Variants in RAP1GAP2 observed in about 807,000 individuals in gnomAD.
RAP1GAP2 encodes RAP1 GTPase activating protein 2, also known as rap1 GTPase-activating protein 2.
In RAP1GAP2, 27 loss-of-function variants were observed where a neutral mutation model predicts 95.0. The observed-to-expected ratio is 0.28, with a 90% CI of 0.21 to 0.39. The LOEUF (loss-of-function observed/expected upper bound fraction) is 0.39. Among genes scored for constraint, RAP1GAP2 ranks in the 10% least tolerant of loss-of-function variants. The probability of loss-of-function intolerance (pLI) is 1.00; values close to 1 mark genes in which losing one functional copy is unlikely to be tolerated. For missense variants in RAP1GAP2, 771 were observed against 970.0 expected (o/e 0.79, Z 2.72); for synonymous variants, 373 against 380.9 (o/e 0.98, Z 0.24).
At chr17:2,806,935 C>T (rs113153342) in intron 2 of RAP1GAP2, among the ~76,000 whole-genome samples, 4,626 of 152,232 alleles carry the variant, frequency 0.03, 247 homozygotes, top group African/African-American at 0.1. Flanking sequence ...CCACCTGCCT[C>T]GGCCTCCCGA....
chr17:2,766,928 C>T (rs943021121), intron 1 of RAP1GAP2, among the ~76,000 whole-genome samples: 1 of 152,058 alleles, frequency 6.6e-6, no homozygotes, highest in African/African-American at 2.4e-5. Flanking sequence ...TGGGAAGTCC[C>T]CTCCCCCAGC....
chr17:3,028,861 C>T (rs928043888), intron 22 of RAP1GAP2, among the ~76,000 whole-genome samples: 10 of 152,120 alleles, frequency 6.6e-5, no homozygotes, highest in Admixed American at 1.3e-4. Flanking sequence ...AGTGCAATGG[C>T]GCAATCTCGG....
At chr17:2,886,054 C>T (rs552730930) in intron 2 of RAP1GAP2, among the ~76,000 whole-genome samples, 99 of 152,028 alleles carry the variant, frequency 6.5e-4, no homozygotes, top group African/African-American at 2.2e-3. Context: ...AAGGCAGATG[C>T]GGCAGGGCCT....
At chr17:2,850,033 C>T (rs555940903) in intron 2 of RAP1GAP2, among the ~76,000 whole-genome samples, 2 of 142,428 alleles carry the variant, frequency 1.4e-5, no homozygotes, top group Admixed American at 7.3e-5. Context: ...TGGAGTCTCG[C>T]TCTGTTGCCC....
At chr17:2,952,040 A>G (rs1455931316) in intron 3 of RAP1GAP2, among the ~76,000 whole-genome samples, 2 of 151,824 alleles carry the variant, frequency 1.3e-5, no homozygotes, top group African/African-American at 4.8e-5. Flanking sequence ...TCTCAGAAAA[A>G]ATAAAATAAA....
intron 3 of RAP1GAP2, among the ~76,000 whole-genome samples, chr17:2,917,949 C>G (rs1419879072): frequency 6.6e-6 from 1 of 152,106 alleles, no homozygotes; most frequent in Non-Finnish European, 1.5e-5. Context: ...CTCCTGACCT[C>G]AGGTGATCCA....
At chr17:2,757,293 AT>A (rs1174388656) in intron 1 of RAP1GAP2, among the ~76,000 whole-genome samples, 1 of 151,586 alleles carries the variant, frequency 6.6e-6, no homozygotes, top group South Asian at 2.1e-4. Context: ...TAATTTTTGT[AT>A]TTTTTTTGTA....
chr17:2,844,156 G>A (rs1380179902), intron 2 of RAP1GAP2, among the ~76,000 whole-genome samples: 1 of 152,018 alleles, frequency 6.6e-6, no homozygotes, highest in Non-Finnish European at 1.5e-5. Flanking sequence ...GAGTAGCTGG[G>A]ACTACAGGCG....
intron 2 of RAP1GAP2, among the ~76,000 whole-genome samples, chr17:2,898,851 C>A (rs2041928431): frequency 6.8e-6 from 1 of 146,018 alleles, no homozygotes; most frequent in African/African-American, 2.6e-5. Context: ...AGTAGTCACA[C>A]CGTTTTACAG....
intron 11 of RAP1GAP2, among the ~76,000 whole-genome samples, chr17:2,988,358 A>G (rs1272690607): frequency 6.6e-6 from 1 of 152,208 alleles, no homozygotes; most frequent in Admixed American, 6.5e-5. Flanking sequence ...CAATACCACA[A>G]CCAGGATGTG....
chr17:2,957,896 CG>C, intron 4 of RAP1GAP2, 102 bp downstream of exon 4: 1 of 1,248,282 alleles, frequency 8.0e-7, no homozygotes. Context: ...GTGCCCTGGA[CG>C]GGGGTGCAGA....
At chr17:2,978,631 C>A (rs2045225335) in intron 8 of RAP1GAP2, among the ~76,000 whole-genome samples, 1 of 152,008 alleles carries the variant, frequency 6.6e-6, no homozygotes, top group Non-Finnish European at 1.5e-5. Flanking sequence ...AGGGGGACTG[C>A]TGTATTAATA....
chr17:2,994,398 A>G (rs772387055), intron 12 of RAP1GAP2, among the ~76,000 whole-genome samples: 1 of 152,324 alleles, frequency 6.6e-6, no homozygotes, highest in Admixed American at 6.5e-5. Context: ...GGCAGAAGGG[A>G]CAACTCCTGG....
rs1333015563 is a variant in RAP1GAP2, at chr17:2,978,023, C to T, written c.597-2264C>T. Among the ~76,000 whole-genome samples, 3 of 152,162 alleles carry T rather than the reference C, an allele frequency of 2.0e-5. No homozygotes were observed. The East Asian group carries it at 5.8e-4, about 29-fold the overall frequency. On this transcript the variant is annotated intron_variant, in intron 8 of 24. Coordinates refer to ENST00000254695, the MANE Select transcript of RAP1GAP2 (RefSeq NM_015085.5). Reference sequence around the variant, plus strand: ...TGGAAACACATCTGTTTATATCTTTCACCCACACATGTCATCCTCTTTTCA... The same window carrying T: ...TGGAAACACATCTGTTTATATCTTTTACCCACACATGTCATCCTCTTTTCA...
Position 2,891,814 on chromosome 17 carries a change from C to CTTTTTTTTTT in RAP1GAP2, c.81-13453_81-13444dup, listed in dbSNP as rs917540694. The stretch of plus-strand genomic sequence containing the variant: ...TGATATGCAGATTCATATTTCTTTT[C>CTTTTTTTTTT]TTTTTTTTTTTTTTTTTTTTTTTTT... On this transcript the variant is annotated intron_variant, in intron 2 of 24. Coordinates refer to ENST00000254695, the MANE Select transcript of RAP1GAP2 (RefSeq NM_015085.5). Among the ~76,000 whole-genome samples the CTTTTTTTTTT allele has an allele frequency of 2.3e-3, 124 of 54,286 alleles. 18 individuals are homozygous for CTTTTTTTTTT. Among genetic ancestry groups the CTTTTTTTTTT allele is most frequent in the African/African-American group, 6.4e-3 (92 of 14,272 alleles). 35.6% of individuals were successfully genotyped at this position (54,286 alleles called of 152,430 possible). A position where few individuals can be genotyped will look rare whatever the true frequency, so the allele number is the denominator to read the frequency against.
Position 3,005,300 on chromosome 17 carries a change from GCGTGGCTCC to G in RAP1GAP2, c.1201-65_1201-57del. ...GAGAAGGTGAGTAGCTTTGTAAGGAGCGTGGCTCCCGTAGGGGCAGCGCTCGTCTCTTCC... is the reference window on the plus strand; with the variant it reads ...GAGAAGGTGAGTAGCTTTGTAAGGAGCGTAGGGGCAGCGCTCGTCTCTTCC... On this transcript the variant is annotated intron_variant, in intron 14 of 24. Transcript: ENST00000254695. The surrounding 1 kb of genome is among the most constrained non-coding windows in gnomAD (Gnocchi z 5.2). The G allele has an allele frequency of 7.0e-7, 1 of 1,434,956 alleles. No individual in the cohort carries two copies. Among genetic ancestry groups the G allele is most frequent in the South Asian group, 1.1e-5 (1 of 87,588 alleles). 88.9% of individuals were successfully genotyped at this position (1,434,956 alleles called of 1,614,324 possible). A position where few individuals can be genotyped will look rare whatever the true frequency, so the allele number is the denominator to read the frequency against.
rs3039128 is a variant in RAP1GAP2, at chr17:2,889,889, A to ATTTTTTTTT, written c.81-15388_81-15380dup. Reference sequence around the variant, plus strand: ...TATATATATATATATATATATATATATTTTTTTTTTTTTTTGTAGAGATGG... The same window carrying ATTTTTTTTT: ...TATATATATATATATATATATATATATTTTTTTTTTTTTTTTTTTTTTTTGTAGAGATGG... On this transcript the variant is annotated intron_variant, in intron 2 of 24. Coordinates refer to ENST00000254695, the MANE Select transcript of RAP1GAP2 (RefSeq NM_015085.5). 7.5e-3 allele frequency among the ~76,000 whole-genome samples: 431 copies of ATTTTTTTTT among 57,272 alleles called. 9 individuals carry two copies. The highest frequency in any genetic ancestry group is 0.015 in the East Asian group (24 of 1,572). The allele number at this position is 57,272 out of a possible 152,430, so 37.6% of individuals were successfully genotyped here.
intron 2 of RAP1GAP2, among the ~76,000 whole-genome samples, chr17:2,838,989 AT>A (rs906564510): frequency 4.6e-5 from 7 of 151,434 alleles, no homozygotes; most frequent in South Asian, 2.1e-4. Flanking sequence ...TCTGGTAGAC[AT>A]TTTTTTTTAA....
intron 2 of RAP1GAP2, among the ~76,000 whole-genome samples, chr17:2,849,474 G>A (rs1256307595): frequency 1.3e-5 from 2 of 152,192 alleles, no homozygotes; most frequent in Non-Finnish European, 2.9e-5. Context: ...AGGCACAGAA[G>A]GCCCTTTTCT....
Sources: gnomAD v4.1 joint callset for allele counts (sites outside exome capture counted in the v4.1 genomes callset) on GRCh38, gnomAD v4.1.1 for gene constraint, Gnocchi (gnomAD v3.1) non-coding constraint, MANE v1.5 for transcripts, NCBI Gene and HGNC (gene_info 2026-07-23, HGNC 2026-07-21) for gene names.